Variants in NMNAT2 observed in about 807,000 individuals in gnomAD.
The protein encoded by NMNAT2 is nicotinamide nucleotide adenylyltransferase 2, also known as nicotinamide/nicotinic acid mononucleotide adenylyltransferase 2.
In NMNAT2, 11 loss-of-function variants were observed where a neutral mutation model predicts 41.6. The ratio of observed to expected loss-of-function variants is 0.26; its 90% CI spans 0.17 to 0.44. NMNAT2 has a LOEUF of 0.44. Ranked by LOEUF, NMNAT2 falls within the 20% of genes least tolerant of loss-of-function variation. NMNAT2 has a pLI of 1.00. For missense variants in NMNAT2, 288 were observed against 407.7 expected, an observed-to-expected ratio of 0.71 and a Z score of 2.53; for synonymous variants, 148 against 151.2, an observed-to-expected ratio of 0.98 and a Z score of 0.16.
chr1:183,302,145 T>C (rs1571585348), intron 1 of NMNAT2, among the ~76,000 whole-genome samples: 2 of 152,214 alleles, frequency 1.3e-5, no homozygotes, highest in East Asian at 3.8e-4. Context: ...AAACTGAGCC[T>C]TGAGTGTTCC....
chr1:183,418,132 G>T, intron 1 of NMNAT2, 51 bp downstream of exon 1: 1 of 1,536,506 alleles, frequency 6.5e-7, no homozygotes, highest in Non-Finnish European at 9.0e-7. Flanking sequence ...ACAGGTGCCT[G>T]GGAAAGGAGA....
chr1:183,336,070 T>C (rs1662673438), intron 1 of NMNAT2, among the ~76,000 whole-genome samples: 1 of 152,234 alleles, frequency 6.6e-6, no homozygotes, highest in African/African-American at 2.4e-5. Flanking sequence ...ATACCAACTT[T>C]ATTCCCTGGC....
At chr1:183,362,488 C>G (rs1055727783) in intron 1 of NMNAT2, among the ~76,000 whole-genome samples, 2 of 152,198 alleles carry the variant, frequency 1.3e-5, no homozygotes, top group Non-Finnish European at 2.9e-5. Context: ...ACAGATTTGC[C>G]TATTCTGGAC....
chr1:183,390,954 C>A (rs1273647593), intron 1 of NMNAT2, among the ~76,000 whole-genome samples: 1 of 152,104 alleles, frequency 6.6e-6, no homozygotes, highest in Non-Finnish European at 1.5e-5. Flanking sequence ...AAACTTATGC[C>A]TAAAAATTAA....
At chr1:183,388,947 C>G (rs753594081) in intron 1 of NMNAT2, among the ~76,000 whole-genome samples, 1 of 152,060 alleles carries the variant, frequency 6.6e-6, no homozygotes, top group Non-Finnish European at 1.5e-5. Flanking sequence ...GTAAGTATAC[C>G]AACGTGATTC....
chr1:183,270,978 G>T (rs1306723765), intron 8 of NMNAT2, among the ~76,000 whole-genome samples: 1 of 152,172 alleles, frequency 6.6e-6, no homozygotes, highest in African/African-American at 2.4e-5. Context: ...CATAGCTGAT[G>T]GATGTAGGAA....
At chr1:183,253,099 TG>T (rs1463745398) in intron 10 of NMNAT2, among the ~76,000 whole-genome samples, 1 of 152,062 alleles carries the variant, frequency 6.6e-6, no homozygotes, top group Non-Finnish European at 1.5e-5. Flanking sequence ...AGACACACAG[TG>T]GGCATCTAAT....
At chr1:183,404,165 C>A (rs970719307) in intron 1 of NMNAT2, among the ~76,000 whole-genome samples, 9 of 145,584 alleles carry the variant, frequency 6.2e-5, no homozygotes, top group Non-Finnish European at 1.3e-4. Flanking sequence ...GTGGCACAAT[C>A]TCAGCTCACT....
At chr1:183,298,629 T>C (rs1258245181) in intron 1 of NMNAT2, among the ~76,000 whole-genome samples, 2 of 152,234 alleles carry the variant, frequency 1.3e-5, no homozygotes, top group African/African-American at 4.8e-5. Context: ...ATATGCACTG[T>C]ATCTATGTTG....
intron 3 of NMNAT2, among the ~76,000 whole-genome samples, chr1:183,291,376 C>G (rs942139220): frequency 6.6e-6 from 1 of 152,176 alleles, no homozygotes; most frequent in African/African-American, 2.4e-5. Context: ...CTGGCTCCCC[C>G]TAGATCCCTA....
At chr1:183,320,263 T>C (rs1246581693) in intron 1 of NMNAT2, among the ~76,000 whole-genome samples, 1 of 152,210 alleles carries the variant, frequency 6.6e-6, no homozygotes, top group Non-Finnish European at 1.5e-5. Flanking sequence ...CTGCTCTAGT[T>C]TGAGTTGAAC....
intron 1 of NMNAT2, among the ~76,000 whole-genome samples, chr1:183,371,035 A>G (rs929533211): frequency 2.0e-5 from 3 of 152,160 alleles, no homozygotes; most frequent in African/African-American, 7.2e-5. Context: ...AATGACCTGG[A>G]CAAATATTTC....
At chr1:183,290,051 C>A (rs1025610739) in intron 4 of NMNAT2, 77 bp downstream of exon 4, 33 of 1,196,308 alleles carry the variant, frequency 2.8e-5, no homozygotes, top group Non-Finnish European at 3.3e-5. Context: ...CCTCTCCCTG[C>A]CTGGTTTCTG....
In NMNAT2 at chr1:183,250,638, T is replaced by G. The variant is rs1660350582; in HGVS notation, c.*2003A>C. 6.6e-6 allele frequency: 1 copy of G among 152,642 alleles called. No homozygotes were observed. Among genetic ancestry groups the G allele is most frequent in the East Asian group, 1.9e-4 (1 of 5,192 alleles). 9.5% of individuals were successfully genotyped at this position (152,642 alleles called of 1,614,324 possible). A position where few individuals can be genotyped will look rare whatever the true frequency, so the allele number is the denominator to read the frequency against. ...TCCCATGGGCCTCTGCTCCCTCAAC[T>G]TTTAAAGGAAAGTGTTGGATCAACT... On this transcript the variant is annotated 3_prime_UTR_variant, in exon 11 of 11. Coordinates refer to ENST00000287713, the MANE Select transcript of NMNAT2 (RefSeq NM_015039.4).
intron 1 of NMNAT2, among the ~76,000 whole-genome samples, chr1:183,312,266 T>C (rs1376658569): frequency 7.1e-6 from 1 of 139,956 alleles, no homozygotes; most frequent in Non-Finnish European, 1.6e-5. Flanking sequence ...AATTTAAGGC[T>C]TTTTTTTTTT....
At chr1:183,255,497 T>C (rs1172720319) in intron 10 of NMNAT2, among the ~76,000 whole-genome samples, 1 of 152,192 alleles carries the variant, frequency 6.6e-6, no homozygotes, top group Non-Finnish European at 1.5e-5. Context: ...TAAATCTTTA[T>C]ATTTCTTTAG....
intron 8 of NMNAT2, among the ~76,000 whole-genome samples, chr1:183,267,943 G>A (rs1660861892): frequency 6.6e-6 from 1 of 152,248 alleles, no homozygotes; most frequent in South Asian, 2.1e-4. Flanking sequence ...TTTAGCACTG[G>A]CATATGTCGA....
intron 1 of NMNAT2, among the ~76,000 whole-genome samples, chr1:183,325,268 T>A (rs1198586294): frequency 6.6e-6 from 1 of 152,222 alleles, no homozygotes; most frequent in Non-Finnish European, 1.5e-5. Context: ...CAACTCCAAC[T>A]CAGCAATCTT....
chr1:183,344,142 C>T (rs951020574), intron 1 of NMNAT2, among the ~76,000 whole-genome samples: 6 of 152,162 alleles, frequency 3.9e-5, no homozygotes, highest in Admixed American at 6.5e-5. Context: ...TCATTTTCAT[C>T]ATCATTATAC....
Sources: gnomAD v4.1 joint callset for allele counts (sites outside exome capture counted in the v4.1 genomes callset) on GRCh38, gnomAD v4.1.1 for gene constraint, MANE v1.5 for transcripts, NCBI Gene and HGNC (gene_info 2026-07-23, HGNC 2026-07-21) for gene names.